GRIA4: variants seen among roughly 807,000 people sequenced by gnomAD.
GRIA4 encodes glutamate ionotropic receptor AMPA type subunit 4, also known as glutamate receptor 4.
GRIA4 carries 34 observed loss-of-function variants against 104.0 expected under a neutral mutation model. That is an observed-to-expected ratio of 0.33 (90% CI 0.25 to 0.44). The LOEUF (loss-of-function observed/expected upper bound fraction) is 0.44. Ranked by LOEUF, GRIA4 falls within the 20% of genes least tolerant of loss-of-function variation. The pLI is 1.00. For synonymous variants in GRIA4, 386 were observed against 381.9 expected (o/e 1.01, Z -0.13); for missense variants, 750 against 1,096.5 (o/e 0.68, Z 4.46).
intron 4 of GRIA4, among the ~76,000 whole-genome samples, chr11:105,788,581 A>C (rs944066608): frequency 6.6e-6 from 1 of 152,152 alleles, no homozygotes; most frequent in African/African-American, 2.4e-5. Flanking sequence ...GAACAAAATC[A>C]TTTCATTATA....
intron 4 of GRIA4, among the ~76,000 whole-genome samples, chr11:105,755,859 C>T (rs1162862599): frequency 6.6e-6 from 1 of 152,034 alleles, no homozygotes; most frequent in African/African-American, 2.4e-5. Flanking sequence ...GATTCTCAGG[C>T]CTCTGGACTC....
At chr11:105,731,957 A>G (rs1373199268) in intron 3 of GRIA4, among the ~76,000 whole-genome samples, 1 of 152,150 alleles carries the variant, frequency 6.6e-6, no homozygotes, top group East Asian at 1.9e-4. Flanking sequence ...GCAAACCACC[A>G]TGGCGCATGT....
intron 6 of GRIA4, among the ~76,000 whole-genome samples, chr11:105,895,146 C>A (rs1946605258): frequency 6.6e-6 from 1 of 152,258 alleles, no homozygotes; most frequent in Non-Finnish European, 1.5e-5. Context: ...AAACACTCTC[C>A]TTCATTCCCT....
intron 13 of GRIA4, among the ~76,000 whole-genome samples, chr11:105,929,791 A>G (rs1947821516): frequency 6.6e-6 from 1 of 152,138 alleles, no homozygotes; most frequent in East Asian, 1.9e-4. Flanking sequence ...ATTTGTACAC[A>G]GTTTCTATTA....
intron 4 of GRIA4, among the ~76,000 whole-genome samples, chr11:105,832,348 C>T (rs888596616): frequency 2.0e-5 from 3 of 151,600 alleles, no homozygotes; most frequent in African/African-American, 7.3e-5. Context: ...CTCCCAGAGA[C>T]AAGGTGTTAA....
rs183400481 is a variant in GRIA4, at chr11:105,787,503, T to A, written c.487+34283T>A. On this transcript the variant is annotated intron_variant, in intron 4 of 16. Coordinates refer to ENST00000282499, the MANE Select transcript of GRIA4 (RefSeq NM_000829.4). ...TTTTTTTTTTTTTTTTGAGATGGAG[T>A]CTTGTTCTGTCGCCTAGGCTGGAGT... is the stretch of plus-strand genomic sequence containing the variant. Among the ~76,000 whole-genome samples the A allele has an allele frequency of 2.8e-3, 311 of 112,950 alleles. 3 individuals are homozygous for A. The highest frequency in any genetic ancestry group is 0.011 in the African/African-American group (305 of 27,864). The allele number at this position is 112,950 out of a possible 152,430, so 74.1% of individuals were successfully genotyped here. A position where few individuals can be genotyped will look rare whatever the true frequency, so the allele number is the denominator to read the frequency against.
rs541186832 is a variant in GRIA4, at chr11:105,775,948, A to T, written c.487+22728A>T. 7.9e-5 allele frequency among the ~76,000 whole-genome samples: 12 copies of T among 152,122 alleles called. No individual in the cohort carries two copies. In the East Asian group the frequency reaches 1.9e-3, roughly 24 times the overall value. ...TGTTAGAATTTTGTTGTTAAAAAAA[A>T]TCTGAAATTTGCATAAAGACATACT... On this transcript the variant is annotated intron_variant, in intron 4 of 16. Coordinates refer to ENST00000282499, the MANE Select transcript of GRIA4 (RefSeq NM_000829.4).
chr11:105,801,439 A>C (rs1303859665), intron 4 of GRIA4, among the ~76,000 whole-genome samples: 1 of 152,076 alleles, frequency 6.6e-6, no homozygotes, highest in Non-Finnish European at 1.5e-5. Flanking sequence ...AAAAATAGAA[A>C]GTAATATGTT....
chr11:105,825,594 C>T (rs1018521392), intron 4 of GRIA4, among the ~76,000 whole-genome samples: 1 of 152,034 alleles, frequency 6.6e-6, no homozygotes, highest in African/African-American at 2.4e-5. Flanking sequence ...AGCAAGAATA[C>T]AGTAATTTAC....
intron 3 of GRIA4, among the ~76,000 whole-genome samples, chr11:105,733,799 T>C (rs1938753989): frequency 6.8e-6 from 1 of 147,152 alleles, no homozygotes. Flanking sequence ...GCTTCAGCAG[T>C]AGTCGATACC....
At chr11:105,622,468 T>A (rs1288734787) in intron 3 of GRIA4, among the ~76,000 whole-genome samples, 1 of 151,922 alleles carries the variant, frequency 6.6e-6, no homozygotes, top group Non-Finnish European at 1.5e-5. Context: ...ACAGAAATTC[T>A]GCTGTTTATC....
chr11:105,797,326 G>A (rs1942522292), intron 4 of GRIA4, among the ~76,000 whole-genome samples: 1 of 152,176 alleles, frequency 6.6e-6, no homozygotes, highest in African/African-American at 2.4e-5. Flanking sequence ...CAAGGGTATG[G>A]AATTAAGGTT....
chr11:105,913,365 T>C, intron 10 of GRIA4: 1 of 544,914 alleles, frequency 1.8e-6, no homozygotes, highest in Non-Finnish European at 2.3e-6. Flanking sequence ...ATTTTAATAA[T>C]GAATTTATTC....
At chr11:105,786,875 T>C (rs112169168) in intron 4 of GRIA4, among the ~76,000 whole-genome samples, 3 of 152,180 alleles carry the variant, frequency 2.0e-5, no homozygotes, top group Admixed American at 6.5e-5. Context: ...GAAAACAGAA[T>C]TGGACTCCCA....
chr11:105,700,457 C>T (rs190444439), intron 3 of GRIA4, among the ~76,000 whole-genome samples: 6 of 152,262 alleles, frequency 3.9e-5, no homozygotes, highest in South Asian at 2.1e-4. Context: ...TATTTTCCTC[C>T]ATATTTAAGC....
chr11:105,853,742 A>C (rs1944905676), intron 4 of GRIA4, among the ~76,000 whole-genome samples: 1 of 152,088 alleles, frequency 6.6e-6, no homozygotes, highest in Non-Finnish European at 1.5e-5. Context: ...GGGAGTGTAG[A>C]ATTTAGAGAA....
intron 3 of GRIA4, among the ~76,000 whole-genome samples, chr11:105,709,744 G>A (rs969352732): frequency 1.3e-5 from 2 of 152,096 alleles, no homozygotes; most frequent in African/African-American, 2.4e-5. Context: ...GATAGGTATT[G>A]GTGGAGGTTT....
At chr11:105,950,345 A>C (rs1310809258) in intron 14 of GRIA4, among the ~76,000 whole-genome samples, 1 of 152,204 alleles carries the variant, frequency 6.6e-6, no homozygotes, top group Non-Finnish European at 1.5e-5. Flanking sequence ...GCTAGAGGAA[A>C]GGAAGGGAAA....
intron 3 of GRIA4, among the ~76,000 whole-genome samples, chr11:105,738,109 T>A (rs1033066732): frequency 6.6e-6 from 1 of 151,876 alleles, no homozygotes; most frequent in African/African-American, 2.4e-5. Context: ...TGGGTATCCT[T>A]GGTCTCAAGT....
Sources: gnomAD v4.1 joint callset for allele counts (sites outside exome capture counted in the v4.1 genomes callset) on GRCh38, gnomAD v4.1.1 for gene constraint, MANE v1.5 for transcripts, NCBI Gene and HGNC (gene_info 2026-07-23, HGNC 2026-07-21) for gene names.